Variants in RRM1 observed in about 807,000 individuals in gnomAD.
RRM1 encodes the protein ribonucleotide reductase catalytic subunit M1, also known as ribonucleoside-diphosphate reductase large subunit.
A neutral mutation model predicts 101.5 loss-of-function variants in RRM1; 19 were observed. The ratio of observed to expected loss-of-function variants is 0.19; its 90% confidence interval spans 0.13 to 0.27. The LOEUF (loss-of-function observed/expected upper bound fraction) is 0.27. Among genes scored for constraint, RRM1 ranks in the 10% least tolerant of loss-of-function variants. The pLI is 1.00. For synonymous variants in RRM1, 298 were observed against 323.4 expected, an observed-to-expected ratio of 0.92 and a Z score of 0.84; for missense variants, 500 against 962.9, an observed-to-expected ratio of 0.52 and a Z score of 6.36.
At chr11:4,096,377 A>C (rs1224978507) in intron 1 of RRM1, among the ~76,000 whole-genome samples, 1 of 152,226 alleles carries the variant, frequency 6.6e-6, no homozygotes, top group Non-Finnish European at 1.5e-5. Flanking sequence ...AGAATGAATG[A>C]AAATAGTTGT....
intron 3 of RRM1, among the ~76,000 whole-genome samples, chr11:4,106,425 C>T (rs898725690): frequency 1.3e-5 from 2 of 152,066 alleles, no homozygotes; most frequent in Admixed American, 6.6e-5. Flanking sequence ...GTGGCGAAAC[C>T]CCATCTCTAC....
At chr11:4,113,549 T>C (rs578110812) in intron 7 of RRM1, among the ~76,000 whole-genome samples, 2 of 152,228 alleles carry the variant, frequency 1.3e-5, no homozygotes, top group Non-Finnish European at 2.9e-5. Flanking sequence ...CTTTAGCTGT[T>C]AGAAAATTAA....
chr11:4,132,328 A>G lies in RRM1; in HGVS notation c.1812A>G (p.Thr604=). The part of the protein sequence containing the change: ...RNSLLIAPMP[T]ASTAQILGNN... Reference sequence around the variant, plus strand: ...GTTTACTTATTGCCCCGATGCCTACAGCTTCCACTGCTCAGATCCTGGGGA... The same window carrying G: ...GTTTACTTATTGCCCCGATGCCTACGGCTTCCACTGCTCAGATCCTGGGGA... Residue 604 remains threonine (T), a synonymous_variant, in exon 16 of 19, where the codon ACA becomes ACG. Coordinates refer to ENST00000300738, the MANE Select transcript of RRM1 (RefSeq NM_001033.5). This position sits in a 1 kb window ranked among gnomAD's most constrained non-coding sequence, Gnocchi z 4.1. 1 of 1,614,148 alleles carries G rather than the reference A, an allele frequency of 6.2e-7. No homozygotes were observed. Among genetic ancestry groups the G allele is most frequent in the Non-Finnish European group, 8.5e-7 (1 of 1,180,000 alleles).
At chr11:4,096,834 T>C (rs1270435430) in intron 1 of RRM1, among the ~76,000 whole-genome samples, 1 of 152,000 alleles carries the variant, frequency 6.6e-6, no homozygotes, top group African/African-American at 2.4e-5. Context: ...TCTTTAGATA[T>C]GGGAGAGATG....
intron 14 of RRM1, among the ~76,000 whole-genome samples, chr11:4,127,934 A>T (rs776085314): frequency 6.6e-6 from 1 of 152,092 alleles, no homozygotes; most frequent in Non-Finnish European, 1.5e-5. Flanking sequence ...TCTGTGTTCA[A>T]GATGTTGGTA....
chr11:4,102,228 AT>A (rs58075299), intron 2 of RRM1, 147 bp downstream of exon 2: 27,498 of 565,086 alleles, frequency 0.049, 804 homozygotes, highest in South Asian at 0.078. Flanking sequence ...TGCTTAAAAC[AT>A]TTTTTTTTCC....
intron 1 of RRM1, among the ~76,000 whole-genome samples, chr11:4,101,085 A>C (rs1255130361): frequency 6.6e-6 from 1 of 152,206 alleles, no homozygotes; most frequent in East Asian, 1.9e-4. Context: ...GAAAAAGCAC[A>C]GAAGGGGAAG....
intron 3 of RRM1, among the ~76,000 whole-genome samples, chr11:4,107,162 G>T (rs2094559442): frequency 6.6e-6 from 1 of 152,190 alleles, no homozygotes; most frequent in Non-Finnish European, 1.5e-5. Context: ...AAAGTCCTGG[G>T]ATTACAGGCG....
chr11:4,104,695 A>C (rs1247498428), intron 2 of RRM1, among the ~76,000 whole-genome samples: 2 of 152,206 alleles, frequency 1.3e-5, no homozygotes, highest in Middle Eastern at 3.2e-3. Flanking sequence ...GTGAAATGTC[A>C]GAGATTATCA....
At chr11:4,107,346 T>G in intron 3 of RRM1, 89 bp from the exon 4 acceptor site, 1 of 893,898 alleles carries the variant, frequency 1.1e-6, no homozygotes, top group Non-Finnish European at 1.8e-6. Context: ...CAAAAAGGGT[T>G]GAGAACCACT....
In RRM1 at chr11:4,132,955, C is replaced by A. The variant is rs1241073907; in HGVS notation, c.1905+534C>A. On this transcript the variant is annotated intron_variant, in intron 16 of 18. Coordinates refer to ENST00000300738, the MANE Select transcript of RRM1 (RefSeq NM_001033.5). This position sits in a 1 kb window ranked among gnomAD's most constrained non-coding sequence, Gnocchi z 4.1. ...AGTTCTGTAAAGTTCGAGAAGGATA[C>A]GTTTCCAATTTTTTTAACCTAAGTA... 6.6e-6 allele frequency among the ~76,000 whole-genome samples: 1 copy of A among 152,118 alleles called. No individual in the cohort carries two copies. Among genetic ancestry groups the A allele is most frequent in the African/African-American group, 2.4e-5 (1 of 41,414 alleles).
At chr11:4,106,747 C>CATAAATAA (rs528821128) in intron 3 of RRM1, among the ~76,000 whole-genome samples, 28 of 151,616 alleles carry the variant, frequency 1.8e-4, no homozygotes, top group African/African-American at 4.6e-4. Context: ...GACTCCGTCT[C>CATAAATAA]ATAAATAAAT....
At chr11:4,101,486 G>A (rs1368542259) in intron 1 of RRM1, among the ~76,000 whole-genome samples, 1 of 139,122 alleles carries the variant, frequency 7.2e-6, no homozygotes. Context: ...CTAATTTTTT[G>A]TATTTTTAGT....
At chr11:4,097,278 C>CA (rs1221330899) in intron 1 of RRM1, among the ~76,000 whole-genome samples, 4,248 of 67,478 alleles carry the variant, frequency 0.063, 119 homozygotes, top group African/African-American at 0.08. Flanking sequence ...CACTCTGTCT[C>CA]AAAAAAAAAA....
Position 4,132,529 on chromosome 11 carries a change from CTTTGA to C in RRM1, c.1905+110_1905+114del. ...CCCATTTTCTTAGTTTGGGTGCAAACTTTGATAAAGACAGTCATCTTCATCTCTAA... is the reference window on the plus strand; with the variant it reads ...CCCATTTTCTTAGTTTGGGTGCAAACTAAAGACAGTCATCTTCATCTCTAA... On this transcript the variant is annotated intron_variant, in intron 16 of 18. Transcript: ENST00000300738. This position sits in a 1 kb window ranked among gnomAD's most constrained non-coding sequence, Gnocchi z 4.1. 10 of 1,095,874 alleles carry C rather than the reference CTTTGA, an allele frequency of 9.1e-6. No individual in the cohort carries two copies. The highest frequency in any genetic ancestry group is 1.6e-5 in the African/African-American group (1 of 64,368). The allele number at this position is 1,095,874 out of a possible 1,614,324, so 67.9% of individuals were successfully genotyped here.
chr11:4,101,564 C>CCA lies in RRM1; in HGVS notation c.20-428_20-427insAC, dbSNP rs1554973355. ...CCTGACCTCCAGTGATCCACACCCC[C>CCA]CCCCGCTCCCTTGGCCTCCCAAAGT... On this transcript the variant is annotated intron_variant, in intron 1 of 18. Coordinates refer to ENST00000300738, the MANE Select transcript of RRM1 (RefSeq NM_001033.5). Among the ~76,000 whole-genome samples the CCA allele has an allele frequency of 1.5e-4, 17 of 114,878 alleles. 1 individual carries two copies. The highest frequency in any genetic ancestry group is 8.9e-4 in the Admixed American group (10 of 11,210). 75.4% of individuals were successfully genotyped at this position (114,878 alleles called of 152,430 possible).
rs1439828098 is a variant in RRM1, at chr11:4,133,312, G to T, written c.1906-251G>T. On this transcript the variant is annotated intron_variant, in intron 16 of 18. Coordinates refer to ENST00000300738, the MANE Select transcript of RRM1 (RefSeq NM_001033.5). ...ATGCCTCAGCCTCCTGAGTAGCTGG[G>T]ATTACAGGCATGCTGCGCCACCATG... Among the ~76,000 whole-genome samples the T allele has an allele frequency of 5.3e-5, 8 of 152,116 alleles. No individual in the cohort carries two copies. In the East Asian group the frequency reaches 1.5e-3, roughly 29 times the overall value.
chr11:4,138,911 T>C lies in RRM1; in HGVS notation c.*528T>C. The C allele has an allele frequency of 5.6e-6, 1 of 178,240 alleles. No individual in the cohort carries two copies. The highest frequency in any genetic ancestry group is 1.2e-5 in the Non-Finnish European group (1 of 82,942). The allele number at this position is 178,240 out of a possible 1,614,324, so 11.0% of individuals were successfully genotyped here. A position where few individuals can be genotyped will look rare whatever the true frequency, so the allele number is the denominator to read the frequency against. ...ATTAATTTTGTCATTTACTTTCATA[T>C]AAAAGTCAAATTTGAAAAACACATT... is the stretch of plus-strand genomic sequence containing the variant. On this transcript the variant is annotated 3_prime_UTR_variant, in exon 19 of 19. Transcript: ENST00000300738.
intron 9 of RRM1, 40 bp downstream of exon 9, chr11:4,119,968 A>AATCACCTTT: frequency 2.5e-6 from 3 of 1,220,998 alleles, no homozygotes; most frequent in Non-Finnish European, 2.4e-6. Flanking sequence ...ATCAGAACTA[A>AATCACCTTT]AGGTGATTTA....
Sources: gnomAD v4.1 joint callset for allele counts (sites outside exome capture counted in the v4.1 genomes callset) on GRCh38, gnomAD v4.1.1 for gene constraint, Gnocchi (gnomAD v3.1) non-coding constraint, MANE v1.5 for transcripts, NCBI Gene and HGNC (gene_info 2026-07-23, HGNC 2026-07-21) for gene names.